Variants in EXOC6 observed in about 807,000 individuals in gnomAD.
The protein encoded by EXOC6 is SEC15-like 1.
A neutral mutation model predicts 112.5 loss-of-function variants in EXOC6; 60 were observed. The observed-to-expected ratio is 0.53, with a 90% CI of 0.43 to 0.66. The LOEUF (loss-of-function observed/expected upper bound fraction) is 0.66. Among genes scored for constraint, EXOC6 ranks in the 30% least tolerant of loss-of-function variants. EXOC6 has a pLI of 0.00. For synonymous variants in EXOC6, 295 were observed against 308.0 expected, an observed-to-expected ratio of 0.96 and a Z score of 0.44; for missense variants, 855 against 957.1, an observed-to-expected ratio of 0.89 and a Z score of 1.41.
chr10:93,000,112 G>A (rs1236884042), intron 19 of EXOC6, among the ~76,000 whole-genome samples: 2 of 152,094 alleles, frequency 1.3e-5, no homozygotes, highest in Non-Finnish European at 2.9e-5. Flanking sequence ...GCATCCATTG[G>A]GGGACTTGGA....
chr10:92,970,797 A>G (rs968468505), intron 17 of EXOC6, among the ~76,000 whole-genome samples: 3 of 152,228 alleles, frequency 2.0e-5, no homozygotes, highest in African/African-American at 4.8e-5. Flanking sequence ...AAAGATGTCT[A>G]TCAATAGTTG....
intron 1 of EXOC6, among the ~76,000 whole-genome samples, chr10:92,879,599 A>G (rs946057813): frequency 2.0e-5 from 3 of 152,238 alleles, no homozygotes; most frequent in Admixed American, 2.0e-4. Flanking sequence ...TAGATTTTCA[A>G]ATGCTGATGA....
upstream of EXOC6, among the ~76,000 whole-genome samples, chr10:92,844,282 G>T (rs1846973362): frequency 6.6e-6 from 1 of 152,196 alleles, no homozygotes; most frequent in South Asian, 2.1e-4. Flanking sequence ...GGGCTGGGCA[G>T]TGAACAATAC....
chr10:92,885,346 A>C (rs1000433947), intron 1 of EXOC6, among the ~76,000 whole-genome samples: 1 of 150,670 alleles, frequency 6.6e-6, no homozygotes, highest in African/African-American at 2.4e-5. Context: ...CATAAGCCAT[A>C]TTTGTTCTCT....
At chr10:93,002,877 ACT>A (rs2134197556) in intron 19 of EXOC6, among the ~76,000 whole-genome samples, 1 of 152,216 alleles carries the variant, frequency 6.6e-6, no homozygotes, top group South Asian at 2.1e-4. Flanking sequence ...TCTCTTGAAG[ACT>A]CTCAGAAATC....
chr10:92,865,266 G>C (rs1469828641), intron 1 of EXOC6, among the ~76,000 whole-genome samples: 1 of 152,040 alleles, frequency 6.6e-6, no homozygotes, highest in Non-Finnish European at 1.5e-5. Context: ...GGGCACGGTG[G>C]CTCACGCCTG....
At position 93,050,804 on chromosome 10, in the gene EXOC6, G is replaced by A. The variant is rs1033012698; in HGVS notation, c.2170-6120G>A. 2.4e-3 allele frequency among the ~76,000 whole-genome samples: 305 copies of A among 126,348 alleles called. 2 individuals are homozygous for A. The highest frequency in any genetic ancestry group is 8.3e-3 in the African/African-American group (284 of 34,040). The allele number at this position is 126,348 out of a possible 152,430, so 82.9% of individuals were successfully genotyped here. A position where few individuals can be genotyped will look rare whatever the true frequency, so the allele number is the denominator to read the frequency against. On this transcript the variant is annotated intron_variant, in intron 20 of 21. Transcript: ENST00000260762. The stretch of plus-strand genomic sequence containing the variant: ...AAAGAATTGCTTGAATCCGGGAGGA[G>A]AAGGTTGCAGTGAGCCGAGATTGCA...
chr10:92,827,829 T>C (rs1846411324), intron 1 of EXOC6, among the ~76,000 whole-genome samples: 1 of 152,168 alleles, frequency 6.6e-6, no homozygotes, highest in Non-Finnish European at 1.5e-5. Context: ...AGGCCCCCAA[T>C]TCAACGCTGA....
intron 1 of EXOC6, among the ~76,000 whole-genome samples, chr10:92,860,665 C>A (rs868464212): frequency 6.6e-6 from 1 of 152,178 alleles, no homozygotes; most frequent in East Asian, 1.9e-4. Flanking sequence ...CTTTCTATCT[C>A]TATGACTATG....
intron 6 of EXOC6, 61 bp downstream of exon 6, chr10:92,909,692 C>T (rs1850633317): frequency 9.9e-7 from 1 of 1,013,124 alleles, no homozygotes; most frequent in Non-Finnish European, 1.4e-6. Context: ...GGAAAATATC[C>T]AAGGTTTACT....
chr10:92,938,169 G>T (rs775079966), intron 12 of EXOC6, among the ~76,000 whole-genome samples: 1 of 152,044 alleles, frequency 6.6e-6, no homozygotes, highest in African/African-American at 2.4e-5. Flanking sequence ...GAGAATCAAA[G>T]AAAAGTCAAA....
At chr10:92,856,832 A>G (rs1425887315) in intron 1 of EXOC6, among the ~76,000 whole-genome samples, 4 of 152,130 alleles carry the variant, frequency 2.6e-5, no homozygotes, top group African/African-American at 7.2e-5. Context: ...ATATATGTTT[A>G]TACTTTATAT....
rs1849603255 is a variant in EXOC6 at position 92,893,470 on chromosome 10, G to C, written c.223G>C (p.Asp75His). The C allele has an allele frequency of 1.2e-6, 2 of 1,612,982 alleles. No individual in the cohort carries two copies. Among genetic ancestry groups the C allele is most frequent in the Non-Finnish European group, 1.7e-6 (2 of 1,179,298 alleles). The change falls in exon 2 of 22, where the codon GAT becomes CAT. Residue 75 changes from aspartate to histidine, a missense_variant. Coordinates refer to ENST00000260762, the MANE Select transcript of EXOC6 (RefSeq NM_019053.6). ...TAATTTTCATCATCAGGGTTTTGTA[G>C]ATGCTATTACAGAACTCCTTAAAGT... ...MCNFHHQGFV[D>H]AITELLKVRT...
At chr10:92,994,891 A>G (rs1488015918) in intron 18 of EXOC6, among the ~76,000 whole-genome samples, 1 of 151,944 alleles carries the variant, frequency 6.6e-6, no homozygotes, top group African/African-American at 2.4e-5. Flanking sequence ...TAACATTTCT[A>G]TCTAAAAATA....
intron 11 of EXOC6, among the ~76,000 whole-genome samples, chr10:92,935,486 C>G (rs1852289877): frequency 6.6e-6 from 1 of 151,894 alleles, no homozygotes. Flanking sequence ...CATAGTGTCT[C>G]TTTTATAAGA....
At chr10:92,848,433 G>GCGC, upstream of EXOC6, 5 of 855,806 alleles carry the variant, frequency 5.8e-6, no homozygotes, top group Non-Finnish European at 5.7e-6. Context: ...CGGCCCGAGC[G>GCGC]CCCCGCCCCC....
At chr10:92,887,079 C>T (rs1436968538) in intron 1 of EXOC6, among the ~76,000 whole-genome samples, 1 of 152,172 alleles carries the variant, frequency 6.6e-6, no homozygotes, top group Non-Finnish European at 1.5e-5. Flanking sequence ...TTTTCTTCTC[C>T]TTCCACTATC....
intron 20 of EXOC6, among the ~76,000 whole-genome samples, chr10:93,017,382 A>G (rs930290776): frequency 6.6e-6 from 1 of 151,496 alleles, no homozygotes; most frequent in Non-Finnish European, 1.5e-5. Flanking sequence ...TGAGGTCAGG[A>G]GATAGAAACC....
At position 92,909,590 on chromosome 10, in the gene EXOC6, C is replaced by G; in HGVS notation, c.622C>G (p.Arg208Gly). 1 of 1,611,722 alleles carries G rather than the reference C, an allele frequency of 6.2e-7. No homozygotes were observed. Among genetic ancestry groups the G allele is most frequent in the Non-Finnish European group, 8.5e-7 (1 of 1,178,762 alleles). The change falls in exon 6 of 22, where the codon CGA (arginine) becomes GGA (glycine). Residue 208 changes from arginine (R) to glycine (G), a missense_variant. Arg to Gly is a moderately radical substitution (Grantham distance 125, BLOSUM62 -2). Transcript: ENST00000260762. The part of the protein sequence containing the change: ...SDLKDFLESI[R>G]KHSDKIGETA... ...TCTCAAAGACTTTTTGGAAAGTATT[C>G]GAAAACATTCTGACAAAATAGGTGA...
Sources: allele counts gnomAD v4.1 joint callset (sites outside exome capture counted in the v4.1 genomes callset), GRCh38; gene constraint gnomAD v4.1.1; transcripts MANE v1.5; gene names NCBI Gene and HGNC (gene_info 2026-07-23, HGNC 2026-07-21).